The following GREB1L variants were observed in gnomAD, a reference collection of about 807,000 sequenced individuals.
GREB1L encodes the protein GREB1-like protein.
In GREB1L, 17 loss-of-function variants were observed where a neutral mutation model predicts 200.8. The observed-to-expected ratio is 0.08, with a 90% CI of 0.06 to 0.13. The LOEUF is 0.13. GREB1L is among the 10% of genes least tolerant of loss of function. GREB1L has a pLI of 1.00. For missense variants in GREB1L, 1,657 were observed against 2,367.7 expected (o/e 0.70, Z 6.23); for synonymous variants, 789 against 893.0 (o/e 0.88, Z 2.08).
intron 17 of GREB1L, among the ~76,000 whole-genome samples, chr18:21,481,091 G>T (rs368536619): frequency 1.9e-3 from 294 of 152,268 alleles, no homozygotes; most frequent in African/African-American, 7.0e-3. Context: ...ATCCAGAGGA[G>T]AATAAGACAA....
intron 1 of GREB1L, among the ~76,000 whole-genome samples, chr18:21,353,430 TG>T (rs1182850725): frequency 1.3e-5 from 2 of 152,044 alleles, no homozygotes; most frequent in African/African-American, 4.8e-5. Flanking sequence ...TTCTCAAGGG[TG>T]GGGGTACTAA....
chr18:21,499,586 C>G, intron 21 of GREB1L, 143 bp from the exon 22 acceptor site: 1 of 634,588 alleles, frequency 1.6e-6, no homozygotes, highest in East Asian at 2.7e-5. Context: ...ATGTGGAGAG[C>G]GGCAAAGAGA....
chr18:21,401,510 A>T (rs1485599321), intron 6 of GREB1L, among the ~76,000 whole-genome samples, 184 bp downstream of exon 6: 3 of 152,140 alleles, frequency 2.0e-5, no homozygotes, highest in Non-Finnish European at 4.4e-5. Context: ...TAACAGAGAC[A>T]ATTCAAGTTT....
At position 21,499,913 on chromosome 18, in the gene GREB1L, G is replaced by C. The variant is rs1464821523; in HGVS notation, c.3576G>C (p.Gln1192His). Residue 1192 changes from glutamine to histidine, a missense_variant, in exon 22 of 33, where the codon CAG (glutamine) becomes CAC (histidine). Physicochemically the swap from Gln to His is conservative, Grantham distance 24. Transcript: ENST00000424526. ...AGGAATGTGACTCCCTGGGCCCCCA[G>C]ATGGCGAGCAGCACCACCTCCAAGC... ...LKQECDSLGP[Q>H]MASSTTSKPS... 4 of 1,549,774 alleles carry C rather than the reference G, an allele frequency of 2.6e-6. No homozygotes were observed. The highest frequency in any genetic ancestry group is 2.0e-5 in the Admixed American group (1 of 50,780).
At chr18:21,473,841 A>G (rs1262171642) in intron 16 of GREB1L, among the ~76,000 whole-genome samples, 2 of 152,176 alleles carry the variant, frequency 1.3e-5, no homozygotes, top group Non-Finnish European at 2.9e-5. Context: ...AAGCCTCACA[A>G]TCATGGCATA....
At chr18:21,303,354 G>C (rs1049841394) in intron 1 of GREB1L, among the ~76,000 whole-genome samples, 4 of 151,916 alleles carry the variant, frequency 2.6e-5, no homozygotes, top group African/African-American at 9.7e-5. Flanking sequence ...AAAAAATAGG[G>C]GGAGAAAAGT....
At chr18:21,324,385 A>G (rs1171634108) in intron 1 of GREB1L, among the ~76,000 whole-genome samples, 1 of 152,230 alleles carries the variant, frequency 6.6e-6, no homozygotes, top group Admixed American at 6.5e-5. Context: ...TGGGGAAAAG[A>G]TAAATCTTGA....
chr18:21,252,557 G>GAAAA (rs144115588), intron 1 of GREB1L, among the ~76,000 whole-genome samples: 4 of 77,430 alleles, frequency 5.2e-5, no homozygotes, highest in African/African-American at 1.8e-4. Flanking sequence ...AACTCCATCT[G>GAAAA]AAAAAAAAAA....
chr18:21,253,935 C>T (rs2037757070), intron 1 of GREB1L, among the ~76,000 whole-genome samples: 1 of 150,824 alleles, frequency 6.6e-6, no homozygotes, highest in Non-Finnish European at 1.5e-5. Context: ...CTCCTGGGCT[C>T]AAAGGATCCT....
At chr18:21,443,743 G>A (rs558237887) in intron 10 of GREB1L, among the ~76,000 whole-genome samples, 4 of 152,188 alleles carry the variant, frequency 2.6e-5, no homozygotes, top group Middle Eastern at 3.4e-3. Flanking sequence ...ATATCAAATC[G>A]AATATCCTCA....
chr18:21,490,424 C>T, intron 19 of GREB1L, 73 bp downstream of exon 19: 1 of 1,298,790 alleles, frequency 7.7e-7, no homozygotes, highest in Non-Finnish European at 1.1e-6. Flanking sequence ...ACATAGGTGG[C>T]TCAGGGGCCT....
rs2037646301 is a variant in GREB1L at position 21,524,100 on chromosome 18, A to G, written c.*1279A>G. On this transcript the variant is annotated 3_prime_UTR_variant, in exon 33 of 33. Transcript: ENST00000424526. Reference sequence around the variant, plus strand: ...GTTCTCATCATTGAACAATCTCTTGAGAGTTTTCTCATTAGCCCATATTTA... The same window carrying G: ...GTTCTCATCATTGAACAATCTCTTGGGAGTTTTCTCATTAGCCCATATTTA... 1 of 152,208 alleles carries G rather than the reference A, an allele frequency of 6.6e-6. No homozygotes were observed. Among genetic ancestry groups the G allele is most frequent in the African/African-American group, 2.4e-5 (1 of 41,458 alleles). The allele number at this position is 152,208 out of a possible 1,614,324, so 9.4% of individuals were successfully genotyped here.
chr18:21,519,103 G>A (rs9807375), intron 31 of GREB1L, among the ~76,000 whole-genome samples: 144,766 of 152,246 alleles, frequency 0.95, 69,262 homozygotes, highest in East Asian at 1. Flanking sequence ...TTATGTTTCA[G>A]TAATCTACAC....
intron 16 of GREB1L, among the ~76,000 whole-genome samples, chr18:21,474,335 T>C (rs1206051112): frequency 2.0e-5 from 3 of 152,062 alleles, no homozygotes; most frequent in Admixed American, 6.6e-5. Context: ...CCATTACAAA[T>C]GGGAGAAATT....
At chr18:21,267,985 A>C (rs2144214493) in intron 1 of GREB1L, among the ~76,000 whole-genome samples, 1 of 152,258 alleles carries the variant, frequency 6.6e-6, no homozygotes, top group South Asian at 2.1e-4. Flanking sequence ...CCAAGTGCAA[A>C]TAGGGGAATA....
intron 1 of GREB1L, among the ~76,000 whole-genome samples, chr18:21,290,625 C>A (rs927828223): frequency 1.3e-5 from 2 of 152,074 alleles, no homozygotes; most frequent in Non-Finnish European, 2.9e-5. Context: ...GAGTTTGAGA[C>A]CAGCCTGGCC....
intron 7 of GREB1L, among the ~76,000 whole-genome samples, chr18:21,418,368 T>A (rs2031843422): frequency 6.6e-6 from 1 of 152,148 alleles, no homozygotes; most frequent in Admixed American, 6.6e-5. Flanking sequence ...CCTGTGCACA[T>A]CCTCCCATAT....
At chr18:21,477,483 T>G in intron 17 of GREB1L, 127 bp downstream of exon 17, 2 of 764,390 alleles carry the variant, frequency 2.6e-6, no homozygotes, top group African/African-American at 1.8e-5. Flanking sequence ...ACGTAATGCT[T>G]TATGTAAGAG....
chr18:21,488,053 C>G (rs1459366793), intron 18 of GREB1L, among the ~76,000 whole-genome samples: 3 of 151,376 alleles, frequency 2.0e-5, no homozygotes, highest in Admixed American at 6.6e-5. Context: ...ACCTGTAATC[C>G]CAGCACTTTG....
Sources: gnomAD v4.1 joint callset for allele counts (sites outside exome capture counted in the v4.1 genomes callset) on GRCh38, gnomAD v4.1.1 for gene constraint, MANE v1.5 for transcripts, NCBI Gene and HGNC (gene_info 2026-07-23, HGNC 2026-07-21) for gene names.